ARMC10: variants seen among roughly 807,000 people sequenced by gnomAD.
ARMC10 encodes the protein armadillo repeat containing 10.
A neutral mutation model predicts 30.2 loss-of-function variants in ARMC10; 23 were observed. That is an observed-to-expected ratio of 0.76 (90% CI 0.55 to 1.08). The LOEUF (loss-of-function observed/expected upper bound fraction) is 1.08. Ranked by LOEUF, ARMC10 falls within the 50% of genes least tolerant of loss-of-function variation. The pLI is 0.00. For missense variants in ARMC10, 303 were observed against 413.7 expected, an observed-to-expected ratio of 0.73 and a Z score of 2.32; for synonymous variants, 111 against 164.4, an observed-to-expected ratio of 0.68 and a Z score of 2.48.
intron 4 of ARMC10, 143 bp downstream of exon 4, chr7:103,086,907 AG>A: frequency 6.6e-7 from 1 of 1,517,230 alleles, no homozygotes; most frequent in Non-Finnish European, 8.8e-7. Context: ...ATAAGACAGA[AG>A]AGGGAGGGAC....
rs374880131 is a variant in ARMC10 at position 103,075,916 on chromosome 7, C to T, written c.244+35C>T. 1.2e-4 allele frequency: 170 copies of T among 1,431,118 alleles called. 1 individual carries two copies. In the Middle Eastern group the frequency reaches 1.4e-3, roughly 12 times the overall value. 88.7% of individuals were successfully genotyped at this position (1,431,118 alleles called of 1,614,324 possible). A position where few individuals can be genotyped will look rare whatever the true frequency, so the allele number is the denominator to read the frequency against. On this transcript the variant is annotated intron_variant, in intron 2 of 6. Transcript: ENST00000323716. ...TTGGAAATGGGAACAGTTGTCTGCG[C>T]GAGACACACCCTCCCAGCGGACAAA...
intron 5 of ARMC10, among the ~76,000 whole-genome samples, chr7:103,094,152 C>G (rs1203693797): frequency 2.6e-5 from 4 of 152,108 alleles, no homozygotes; most frequent in African/African-American, 9.7e-5. Flanking sequence ...GTTTAAATAT[C>G]GTATTTTGCT....
chr7:103,085,450 G>A (rs1192710408), intron 3 of ARMC10, among the ~76,000 whole-genome samples: 1 of 151,990 alleles, frequency 6.6e-6, no homozygotes, highest in African/African-American at 2.4e-5. Flanking sequence ...GTCTTCACTT[G>A]ACAAGAATAA....
intron 2 of ARMC10, 48 bp from the exon 3 acceptor site, chr7:103,083,634 C>G: frequency 6.5e-7 from 1 of 1,536,080 alleles, no homozygotes; most frequent in Non-Finnish European, 8.9e-7. Context: ...TCAAAAATAA[C>G]CTCGTATTGA....
rs1236874908 is a variant in ARMC10, at chr7:103,075,799, A to G, written c.162A>G (p.Ser54=). 6.2e-7 allele frequency: 1 copy of G among 1,610,270 alleles called. No individual in the cohort carries two copies. The highest frequency in any genetic ancestry group is 2.2e-5 in the East Asian group (1 of 44,630). The change falls in exon 2 of 7, where the codon TCA becomes TCG. Residue 54 remains serine, a synonymous_variant. Coordinates refer to ENST00000323716, the MANE Select transcript of ARMC10 (RefSeq NM_031905.5). ...CAGGTGCCCTGGAAGAAGGGACGTC[A>G]GAGGGTCAGTTGTGCGGGCGCTCGG... ...KSAGALEEGT[S]EGQLCGRSAR...
At chr7:103,082,606 A>T (rs1364887109) in intron 2 of ARMC10, among the ~76,000 whole-genome samples, 2 of 152,138 alleles carry the variant, frequency 1.3e-5, no homozygotes, top group African/African-American at 4.8e-5. Flanking sequence ...CTGGGACTAC[A>T]GAGATGAGCT....
rs1413451864 is a variant in ARMC10 at position 103,075,166 on chromosome 7, G to A, written c.-107G>A. On this transcript the variant is annotated 5_prime_UTR_variant, in exon 1 of 7. In the 5' UTR this introduces an upstream ATG that the reference lacks. Transcript: ENST00000323716. ...TTTCCTTTCTCCACATCCAGGTCAG[G>A]TGGCGTTTGCTGTGGCGGCTAGGCC... 2.6e-6 allele frequency: 2 copies of A among 777,418 alleles called. No individual in the cohort carries two copies. Among genetic ancestry groups the A allele is most frequent in the African/African-American group, 1.9e-5 (1 of 53,876 alleles). The allele number at this position is 777,418 out of a possible 1,614,324, so 48.2% of individuals were successfully genotyped here.
Position 103,075,247 on chromosome 7 carries a change from C to G in ARMC10, c.-26C>G. 8.5e-7 allele frequency: 1 copy of G among 1,171,786 alleles called. No individual in the cohort carries two copies. Among genetic ancestry groups the G allele is most frequent in the Non-Finnish European group, 1.1e-6 (1 of 949,460 alleles). The allele number at this position is 1,171,786 out of a possible 1,614,324, so 72.6% of individuals were successfully genotyped here. ...CCGCGAGCCTCCTGCCCTGGCCCGG[C>G]GCTGCGGCTCTGCCGCGGCGGCAGC... On this transcript the variant is annotated 5_prime_UTR_variant, in exon 1 of 7. Coordinates refer to ENST00000323716, the MANE Select transcript of ARMC10 (RefSeq NM_031905.5).
chr7:103,088,258 G>A (rs1443570973), intron 4 of ARMC10, among the ~76,000 whole-genome samples: 1 of 152,134 alleles, frequency 6.6e-6, no homozygotes, highest in East Asian at 1.9e-4. Flanking sequence ...AATCTTTAGA[G>A]TCCAATACAG....
At chr7:103,084,140 A>G (rs1800628560) in intron 3 of ARMC10, 24 of 834,058 alleles carry the variant, frequency 2.9e-5, no homozygotes, top group Non-Finnish European at 3.9e-5. Flanking sequence ...CAGTAAAACA[A>G]TGAATGCATC....
Position 103,087,660 on chromosome 7 carries a change from A to G in ARMC10, c.528+896A>G, listed in dbSNP as rs1216522151. On this transcript the variant is annotated intron_variant, in intron 4 of 6. Coordinates refer to ENST00000323716, the MANE Select transcript of ARMC10 (RefSeq NM_031905.5). ...ACAAGAGACAGGAGGATGTGCTCCT[A>G]TGAAGAAAAAAACAACAAATAACCA... 15 of 446,738 alleles carry G rather than the reference A, an allele frequency of 3.4e-5. No homozygotes were observed. The East Asian group carries it at 4.7e-4, about 14-fold the overall frequency. 27.7% of individuals were successfully genotyped at this position (446,738 alleles called of 1,614,324 possible). A position where few individuals can be genotyped will look rare whatever the true frequency, so the allele number is the denominator to read the frequency against.
chr7:103,083,926 A>G (rs1343129864), intron 3 of ARMC10, 96 bp downstream of exon 3: 7 of 1,502,830 alleles, frequency 4.7e-6, no homozygotes, highest in African/African-American at 2.8e-5. Flanking sequence ...CAGACCCTCA[A>G]TTTCCTCATC....
chr7:103,083,375 T>A (rs1800557946), intron 2 of ARMC10, among the ~76,000 whole-genome samples: 1 of 152,162 alleles, frequency 6.6e-6, no homozygotes, highest in African/African-American at 2.4e-5. Context: ...TCCCACCACT[T>A]TGGGAGGCCA....
intron 4 of ARMC10, among the ~76,000 whole-genome samples, chr7:103,090,728 T>TAAAAAAAAAATAA (rs1801241981): frequency 7.1e-6 from 1 of 140,906 alleles, no homozygotes; most frequent in African/African-American, 2.8e-5. Flanking sequence ...AACCCATTTC[T>TAAAAAAAAAATAA]AAAAAAAAAA....
rs1390445294 is a variant in ARMC10, at chr7:103,092,521, G to C, written c.573G>C (p.Leu191=). The C allele has an allele frequency of 1.2e-6, 2 of 1,605,960 alleles. No individual in the cohort carries two copies. The highest frequency in any genetic ancestry group is 1.7e-6 in the Non-Finnish European group (2 of 1,173,510). The change falls in exon 5 of 7, where the codon CTG becomes CTC. Residue 191 remains leucine (L), a synonymous_variant. Transcript: ENST00000323716. ...QVCEDVFSGP[L]NSAVQLAGLT... ...GTGAGGATGTCTTCTCTGGTCCTCT[G>C]AACTCTGCTGTGCAGCTGGCTGGAC... is the stretch of plus-strand genomic sequence containing the variant.
At chr7:103,095,234 T>G (rs4729875) in intron 5 of ARMC10, among the ~76,000 whole-genome samples, 1 of 152,144 alleles carries the variant, frequency 6.6e-6, no homozygotes. Context: ...CCTGGGACTT[T>G]GGTCACATGC....
intron 4 of ARMC10, chr7:103,089,505 T>G (rs1403469476): frequency 5.0e-6 from 1 of 198,034 alleles, no homozygotes; most frequent in Admixed American, 4.6e-5. Flanking sequence ...TTACAACTAA[T>G]GGTCTTTTGG....
At chr7:103,087,708 T>A (rs958846310) in intron 4 of ARMC10, 2 of 887,922 alleles carry the variant, frequency 2.3e-6, no homozygotes, top group Non-Finnish European at 2.7e-6. Flanking sequence ...TTGAATATAA[T>A]GTTGATGGCA....
At chr7:103,082,530 C>T (rs1419658065) in intron 2 of ARMC10, among the ~76,000 whole-genome samples, 1 of 151,422 alleles carries the variant, frequency 6.6e-6, no homozygotes, top group African/African-American at 2.4e-5. Context: ...GAGACAGGGT[C>T]TCATTATGTT....
Sources: allele counts gnomAD v4.1 joint callset (sites outside exome capture counted in the v4.1 genomes callset), GRCh38; gene constraint gnomAD v4.1.1; transcripts MANE v1.5; gene names NCBI Gene and HGNC (gene_info 2026-07-23, HGNC 2026-07-21).